RTN1: variants seen among roughly 807,000 people sequenced by gnomAD.
RTN1 encodes reticulon-1.
A neutral mutation model predicts 65.5 loss-of-function variants in RTN1; 25 were observed. The ratio of observed to expected loss-of-function variants is 0.38; its 90% CI spans 0.28 to 0.53. The LOEUF (loss-of-function observed/expected upper bound fraction) is 0.53. Ranked by LOEUF, RTN1 falls within the 20% of genes least tolerant of loss-of-function variation. The pLI, the probability that RTN1 is intolerant of heterozygous loss-of-function variation, is 0.79. For synonymous variants in RTN1, 471 were observed against 447.6 expected (o/e 1.05, Z -0.66); for missense variants, 983 against 1,025.4 (o/e 0.96, Z 0.57).
chr14:59,601,673 A>G (rs1881583124), intron 8 of RTN1, among the ~76,000 whole-genome samples: 1 of 152,190 alleles, frequency 6.6e-6, no homozygotes, highest in Non-Finnish European at 1.5e-5. Flanking sequence ...TCCAGTTTCC[A>G]AACTCCTATT....
chr14:59,720,009 C>A (rs1231247127), intron 3 of RTN1, among the ~76,000 whole-genome samples: 1 of 152,158 alleles, frequency 6.6e-6, no homozygotes, highest in Non-Finnish European at 1.5e-5. Context: ...ATTTCAGGAG[C>A]TGATCAATGC....
intron 3 of RTN1, among the ~76,000 whole-genome samples, chr14:59,609,509 A>G (rs1461278326): frequency 6.6e-6 from 1 of 152,174 alleles, no homozygotes; most frequent in Non-Finnish European, 1.5e-5. Context: ...TTTGGAAGAC[A>G]TGACCTGCAA....
At chr14:59,669,264 A>T (rs1883448836) in intron 3 of RTN1, among the ~76,000 whole-genome samples, 1 of 152,250 alleles carries the variant, frequency 6.6e-6, no homozygotes, top group African/African-American at 2.4e-5. Context: ...ACCATGGAAT[A>T]CTATGCAGCC....
chr14:59,633,408 C>G (rs1162258023), intron 3 of RTN1, among the ~76,000 whole-genome samples: 9 of 152,148 alleles, frequency 5.9e-5, no homozygotes, highest in South Asian at 2.1e-4. Context: ...ATCTCTGGAC[C>G]TCTCATAATT....
intron 3 of RTN1, among the ~76,000 whole-genome samples, chr14:59,689,194 C>T (rs1481467267): frequency 6.6e-6 from 1 of 151,946 alleles, no homozygotes; most frequent in African/African-American, 2.4e-5. Context: ...ATAGACCAGA[C>T]CAAGCAGAAG....
intron 1 of RTN1, among the ~76,000 whole-genome samples, chr14:59,812,918 T>C (rs1013897758): frequency 6.6e-6 from 1 of 152,230 alleles, no homozygotes; most frequent in African/African-American, 2.4e-5. Flanking sequence ...GCTGATTATC[T>C]CACTGCAAAG....
chr14:59,858,639 T>C (rs1463359986), intron 1 of RTN1, among the ~76,000 whole-genome samples: 3 of 152,124 alleles, frequency 2.0e-5, no homozygotes, highest in African/African-American at 4.8e-5. Context: ...GAAAAGGCAT[T>C]TGGGGATTGG....
At chr14:59,804,075 A>T (rs1184164816) in intron 1 of RTN1, among the ~76,000 whole-genome samples, 1 of 152,056 alleles carries the variant, frequency 6.6e-6, no homozygotes, top group Non-Finnish European at 1.5e-5. Flanking sequence ...ATATCTCCTT[A>T]GTTTTTACCT....
intron 3 of RTN1, among the ~76,000 whole-genome samples, chr14:59,717,570 G>A (rs887628267): frequency 3.3e-5 from 5 of 152,086 alleles, no homozygotes; most frequent in South Asian, 4.1e-4. Flanking sequence ...CCTCTGTGTC[G>A]CCACCATATA....
chr14:59,633,117 A>G (rs1212606368), intron 3 of RTN1, among the ~76,000 whole-genome samples: 3 of 152,128 alleles, frequency 2.0e-5, no homozygotes, highest in Admixed American at 6.5e-5. Flanking sequence ...CTGACCTTGG[A>G]ATGTCAGCTT....
At chr14:59,717,216 T>C (rs922710346) in intron 3 of RTN1, among the ~76,000 whole-genome samples, 37 of 152,244 alleles carry the variant, frequency 2.4e-4, no homozygotes, top group African/African-American at 8.7e-4. Flanking sequence ...GCACATACTC[T>C]GCTTTTGCAA....
intron 2 of RTN1, among the ~76,000 whole-genome samples, chr14:59,740,104 C>A (rs1453853878): frequency 6.6e-6 from 1 of 152,218 alleles, no homozygotes; most frequent in Admixed American, 6.5e-5. Context: ...TGCCCTTTCA[C>A]CCTTTCCCAC....
intron 1 of RTN1, among the ~76,000 whole-genome samples, chr14:59,791,112 A>G (rs1886340129): frequency 6.6e-6 from 1 of 152,136 alleles, no homozygotes; most frequent in Non-Finnish European, 1.5e-5. Flanking sequence ...TTGAGGTAAG[A>G]TATTTCCATT....
At chr14:59,694,418 T>C (rs1375544332) in intron 3 of RTN1, among the ~76,000 whole-genome samples, 1 of 152,192 alleles carries the variant, frequency 6.6e-6, no homozygotes, top group Non-Finnish European at 1.5e-5. Context: ...TACGTAAGTG[T>C]GTGTATGCAC....
At chr14:59,818,443 T>C (rs1317319534) in intron 1 of RTN1, among the ~76,000 whole-genome samples, 1 of 152,212 alleles carries the variant, frequency 6.6e-6, no homozygotes, top group East Asian at 1.9e-4. Context: ...CCTCTTCAAC[T>C]CTATATCTCC....
chr14:59,674,741 G>C (rs1218176550), intron 3 of RTN1, among the ~76,000 whole-genome samples: 2 of 152,156 alleles, frequency 1.3e-5, no homozygotes. Flanking sequence ...CCTGGACATT[G>C]TATAATTCTG....
intron 1 of RTN1, among the ~76,000 whole-genome samples, chr14:59,754,784 T>C (rs183287743): frequency 1.8e-4 from 27 of 152,312 alleles, no homozygotes; most frequent in East Asian, 1.3e-3. Flanking sequence ...CATCCTCTCA[T>C]GGTAGAGTGG....
intron 8 of RTN1, 66 bp from the exon 9 acceptor site, chr14:59,596,853 T>C: frequency 8.0e-7 from 1 of 1,251,682 alleles, no homozygotes; most frequent in South Asian, 1.2e-5. Context: ...TTATGTGTTG[T>C]TGCTTTAATT....
intron 2 of RTN1, among the ~76,000 whole-genome samples, chr14:59,742,544 C>G (rs866156981): frequency 1.1e-4 from 16 of 152,212 alleles, no homozygotes; most frequent in African/African-American, 3.4e-4. Context: ...ATGGAATAAT[C>G]TATTGGAATT....
Sources: gnomAD v4.1 joint callset for allele counts (sites outside exome capture counted in the v4.1 genomes callset) on GRCh38, gnomAD v4.1.1 for gene constraint, MANE v1.5 for transcripts, NCBI Gene and HGNC (gene_info 2026-07-23, HGNC 2026-07-21) for gene names.